Variants in RAP1GAP2 observed in about 807,000 individuals in gnomAD.
RAP1GAP2 encodes RAP1 GTPase activating protein 2, also known as rap1 GTPase-activating protein 2.
RAP1GAP2 carries 27 observed loss-of-function variants against 95.0 expected under a neutral mutation model. The ratio of observed to expected loss-of-function variants is 0.28; its 90% CI spans 0.21 to 0.39. The LOEUF (loss-of-function observed/expected upper bound fraction) is 0.39. Among genes scored for constraint, RAP1GAP2 ranks in the 10% least tolerant of loss-of-function variants. The pLI, the probability that RAP1GAP2 is intolerant of heterozygous loss-of-function variation, is 1.00. For synonymous variants in RAP1GAP2, 373 were observed against 380.9 expected, an observed-to-expected ratio of 0.98 and a Z score of 0.24; for missense variants, 771 against 970.0, an observed-to-expected ratio of 0.79 and a Z score of 2.72.
At chr17:2,832,557 C>CAA (rs35663343) in intron 2 of RAP1GAP2, among the ~76,000 whole-genome samples, 36 of 76,690 alleles carry the variant, frequency 4.7e-4, no homozygotes, top group Non-Finnish European at 7.4e-4. Context: ...GACTCCATCT[C>CAA]AAAAAAAAAA....
chr17:2,833,724 A>C (rs2071011183), intron 2 of RAP1GAP2, among the ~76,000 whole-genome samples: 1 of 151,084 alleles, frequency 6.6e-6, no homozygotes, highest in Non-Finnish European at 1.5e-5. Flanking sequence ...AAAGTGCCAC[A>C]GTGGACATCC....
chr17:2,964,138 C>G, intron 7 of RAP1GAP2, 70 bp downstream of exon 7: 1 of 1,406,778 alleles, frequency 7.1e-7, no homozygotes, highest in South Asian at 1.3e-5. Flanking sequence ...AGAGGAGGTA[C>G]CAGGCGGTAG....
intron 2 of RAP1GAP2, among the ~76,000 whole-genome samples, chr17:2,864,551 A>G (rs2072545017): frequency 6.6e-6 from 1 of 152,124 alleles, no homozygotes; most frequent in African/African-American, 2.4e-5. Flanking sequence ...ACACCTGGCC[A>G]CACCTTTGCT....
At chr17:2,863,447 C>T (rs570172233) in intron 2 of RAP1GAP2, among the ~76,000 whole-genome samples, 5 of 152,312 alleles carry the variant, frequency 3.3e-5, no homozygotes, top group African/African-American at 4.8e-5. Flanking sequence ...GGAGACATGT[C>T]GGCCCCATGT....
upstream of RAP1GAP2, among the ~76,000 whole-genome samples, chr17:2,792,763 A>G (rs1273079067): frequency 6.6e-6 from 1 of 152,144 alleles, no homozygotes; most frequent in African/African-American, 2.4e-5. Context: ...CCGGTGGGGG[A>G]AACCAGCCTC....
intron 2 of RAP1GAP2, among the ~76,000 whole-genome samples, chr17:2,873,163 A>C (rs1567729064): frequency 6.6e-6 from 1 of 151,156 alleles, no homozygotes; most frequent in Non-Finnish European, 1.5e-5. Flanking sequence ...GTATTTGCAT[A>C]AAGAAGCTGC....
rs1250466033 is a variant in RAP1GAP2 at position 3,037,425 on chromosome 17, TC to T, written c.*4068del. The stretch of plus-strand genomic sequence containing the variant: ...TGCAGCTCTCTCCTGTTTTGGGTGT[TC>T]CCCTTGGACACTCCAGCTCGGGGAC... On this transcript the variant is annotated 3_prime_UTR_variant, in exon 25 of 25. Transcript: ENST00000254695. 1.5e-5 allele frequency: 2 copies of T among 134,962 alleles called. No individual in the cohort carries two copies. Among genetic ancestry groups the T allele is most frequent in the African/African-American group, 5.2e-5 (2 of 38,154 alleles). 8.4% of individuals were successfully genotyped at this position (134,962 alleles called of 1,614,324 possible).
intron 2 of RAP1GAP2, among the ~76,000 whole-genome samples, chr17:2,848,881 C>T (rs955114425): frequency 1.3e-5 from 2 of 152,142 alleles, no homozygotes; most frequent in African/African-American, 2.4e-5. Flanking sequence ...TCCCTTCCCC[C>T]GACGCCTTCC....
At chr17:3,031,793 G>T (rs936608387) in intron 23 of RAP1GAP2, among the ~76,000 whole-genome samples, 24 of 146,948 alleles carry the variant, frequency 1.6e-4, no homozygotes, top group Admixed American at 7.4e-4. Context: ...CCAGATGTGA[G>T]GTGGGAAGGG....
intron 3 of RAP1GAP2, among the ~76,000 whole-genome samples, chr17:2,951,116 C>T (rs914877918): frequency 3.9e-5 from 6 of 152,222 alleles, no homozygotes; most frequent in Admixed American, 3.9e-4. Flanking sequence ...TTCTGGGGTT[C>T]AGCATCTCTC....
chr17:2,878,259 G>T (rs1036963453), intron 2 of RAP1GAP2, among the ~76,000 whole-genome samples: 1 of 152,110 alleles, frequency 6.6e-6, no homozygotes, highest in African/African-American at 2.4e-5. Flanking sequence ...CTAGGAGGAG[G>T]AGCAGGTTGG....
At chr17:2,997,296 G>A (rs115748679) in intron 13 of RAP1GAP2, among the ~76,000 whole-genome samples, 3,766 of 152,146 alleles carry the variant, frequency 0.025, 148 homozygotes, top group African/African-American at 0.084. Context: ...CCCCTGACAC[G>A]TCTCCTCCTC....
chr17:3,024,641 A>G (rs913471524), intron 19 of RAP1GAP2, among the ~76,000 whole-genome samples: 1 of 152,366 alleles, frequency 6.6e-6, no homozygotes. Flanking sequence ...TATTTATCAT[A>G]GCCCAAAGTG....
intron 1 of RAP1GAP2, among the ~76,000 whole-genome samples, chr17:2,767,595 T>TGAG (rs60679822): frequency 0.26 from 38,741 of 151,594 alleles, 5,255 homozygotes; most frequent in African/African-American, 0.35. Context: ...CAATCACGCA[T>TGAG]GAGGCCCTGC....
intron 19 of RAP1GAP2, among the ~76,000 whole-genome samples, chr17:3,023,287 T>C (rs2047011943): frequency 6.6e-6 from 1 of 152,256 alleles, no homozygotes; most frequent in Non-Finnish European, 1.5e-5. Flanking sequence ...GATGAGCCCA[T>C]TTGTTCTTTA....
At chr17:2,853,995 C>T (rs1272166758) in intron 2 of RAP1GAP2, 2 of 984,336 alleles carry the variant, frequency 2.0e-6, no homozygotes, top group African/African-American at 1.8e-5. Flanking sequence ...GCGGCCTCGC[C>T]ATGTCCCAGC....
chr17:2,941,171 G>C (rs1253198773), intron 3 of RAP1GAP2, among the ~76,000 whole-genome samples: 2 of 152,228 alleles, frequency 1.3e-5, no homozygotes, highest in Admixed American at 1.3e-4. Context: ...GGAGGCCGAA[G>C]CGGGTGGATC....
At chr17:2,983,427 C>T (rs1463405300) in intron 10 of RAP1GAP2, among the ~76,000 whole-genome samples, 1 of 152,122 alleles carries the variant, frequency 6.6e-6, no homozygotes, top group East Asian at 1.9e-4. Flanking sequence ...GGTTGATTCT[C>T]AGGAGCGTCA....
At chr17:2,803,562 G>A (rs1361675365) in intron 2 of RAP1GAP2, among the ~76,000 whole-genome samples, 3 of 152,224 alleles carry the variant, frequency 2.0e-5, no homozygotes, top group Non-Finnish European at 2.9e-5. Flanking sequence ...AACAAAGTTG[G>A]TGCACTCATT....
Sources: gnomAD v4.1 joint callset for allele counts (sites outside exome capture counted in the v4.1 genomes callset) on GRCh38, gnomAD v4.1.1 for gene constraint, MANE v1.5 for transcripts, NCBI Gene and HGNC (gene_info 2026-07-23, HGNC 2026-07-21) for gene names.